MAST4: variants seen among roughly 807,000 people sequenced by gnomAD.
The protein encoded by MAST4 is microtubule associated serine/threonine kinase family member 4.
Under a neutral mutation model 162.7 loss-of-function variants are expected in MAST4, and 89 were observed. That is an observed-to-expected ratio of 0.55 (90% CI 0.46 to 0.65). The LOEUF (loss-of-function observed/expected upper bound fraction) is 0.65. MAST4 is among the 30% of genes least tolerant of loss of function. MAST4 has a pLI of 0.00. For synonymous variants in MAST4, 1,479 were observed against 1,361.1 expected, an observed-to-expected ratio of 1.09 and a Z score of -1.91; for missense variants, 3,153 against 3,374.0, an observed-to-expected ratio of 0.93 and a Z score of 1.62.
chr5:67,141,976 A>G, intron 19 of MAST4, 139 bp from the exon 20 acceptor site: 1 of 908,308 alleles, frequency 1.1e-6, no homozygotes, highest in Non-Finnish European at 1.6e-6. Context: ...CTTTGGTTGT[A>G]GAATGAAAAA....
chr5:66,805,665 A>G (rs1435498548), intron 3 of MAST4, among the ~76,000 whole-genome samples: 3 of 152,208 alleles, frequency 2.0e-5, no homozygotes, highest in Non-Finnish European at 2.9e-5. Context: ...TTGAAAGGCC[A>G]TCCCCGAGGC....
At chr5:66,777,188 G>C (rs553416123) in intron 2 of MAST4, among the ~76,000 whole-genome samples, 1 of 152,308 alleles carries the variant, frequency 6.6e-6, no homozygotes, top group East Asian at 1.9e-4. Context: ...CTGTACTCCT[G>C]AGTCCACCTG....
At chr5:66,756,981 C>T (rs1753578745) in intron 1 of MAST4, among the ~76,000 whole-genome samples, 1 of 152,154 alleles carries the variant, frequency 6.6e-6, no homozygotes, top group Non-Finnish European at 1.5e-5. Flanking sequence ...ACTAACAGCT[C>T]ATGTCTATAT....
At chr5:66,991,114 C>T (rs1388899988) in intron 4 of MAST4, among the ~76,000 whole-genome samples, 1 of 152,170 alleles carries the variant, frequency 6.6e-6, no homozygotes, top group Non-Finnish European at 1.5e-5. Context: ...ATGAAACAGT[C>T]TGCTGATACT....
intron 4 of MAST4, among the ~76,000 whole-genome samples, chr5:67,010,173 C>T (rs1227781784): frequency 6.6e-6 from 1 of 152,146 alleles, no homozygotes; most frequent in Non-Finnish European, 1.5e-5. Flanking sequence ...GTATCCCAAA[C>T]GTGTATCCCA....
chr5:66,791,339 A>G (rs950103149), intron 3 of MAST4, among the ~76,000 whole-genome samples: 1 of 152,214 alleles, frequency 6.6e-6, no homozygotes. Context: ...TAAGTAATCT[A>G]TCTTCTTACT....
intron 1 of MAST4, among the ~76,000 whole-genome samples, chr5:66,708,104 A>C (rs548803073): frequency 6.6e-6 from 1 of 152,154 alleles, no homozygotes; most frequent in Admixed American, 6.6e-5. Flanking sequence ...TGAGTGTGCA[A>C]CACCAACCTA....
chr5:66,631,684 A>G (rs574416288), intron 1 of MAST4, among the ~76,000 whole-genome samples: 2 of 152,306 alleles, frequency 1.3e-5, no homozygotes, highest in East Asian at 1.9e-4. Context: ...GGCTAACAGC[A>G]AAAGCTTGCC....
rs141190554 is a variant in MAST4 at position 66,808,571 on chromosome 5, T to C, written c.642+19777T>C. ...TTTTGTTAACCTACCTGTTCTCCCATGAAACTTTGGACTCCTTGAAGCCCA... is the reference window on the plus strand; with the variant it reads ...TTTTGTTAACCTACCTGTTCTCCCACGAAACTTTGGACTCCTTGAAGCCCA... On this transcript the variant is annotated intron_variant, in intron 3 of 28. Coordinates refer to ENST00000403625, the MANE Select transcript of MAST4 (RefSeq NM_001164664.2). Among the ~76,000 whole-genome samples the C allele has an allele frequency of 8.5e-5, 13 of 152,290 alleles. No individual in the cohort carries two copies. The East Asian group carries it at 2.5e-3, about 29-fold the overall frequency.
chr5:66,744,582 G>C (rs1454074466), intron 1 of MAST4, among the ~76,000 whole-genome samples: 1 of 152,164 alleles, frequency 6.6e-6, no homozygotes, highest in Non-Finnish European at 1.5e-5. Flanking sequence ...TTCTGGTGAG[G>C]CCTCAGGAAA....
At chr5:66,793,522 A>T (rs1291573367) in intron 3 of MAST4, among the ~76,000 whole-genome samples, 1 of 152,234 alleles carries the variant, frequency 6.6e-6, no homozygotes, top group Non-Finnish European at 1.5e-5. Flanking sequence ...TTCAGGAGGC[A>T]AAAGCAGGAC....
rs1475519500 is a variant in MAST4, at chr5:67,165,669, G to T, written c.6490G>T (p.Gly2164Trp). 6.3e-7 allele frequency: 1 copy of T among 1,596,294 alleles called. No homozygotes were observed. The highest frequency in any genetic ancestry group is 2.3e-5 in the East Asian group (1 of 43,682). ...SPSHASGREP[G>W]AKPSTAEPSS... ...AAGCCACGCTTCTGGCAGAGAGCCG[G>T]GGGCCAAGCCCAGCACTGCAGAGCC... The change falls in exon 29 of 29, where the codon GGG becomes TGG. Residue 2164 changes from glycine to tryptophan, a missense_variant. Around this residue, in one of 7 missense-constraint regions of MAST4, gnomAD observed 1,644 missense variants for 1,495.0 expected, o/e 1.10. Coordinates refer to ENST00000403625, the MANE Select transcript of MAST4 (RefSeq NM_001164664.2).
intron 3 of MAST4, among the ~76,000 whole-genome samples, chr5:66,850,372 C>T (rs1759215418): frequency 6.6e-6 from 1 of 152,198 alleles, no homozygotes; most frequent in Admixed American, 6.5e-5. Flanking sequence ...AGTTGTCAAA[C>T]ATTCCTTTGT....
chr5:67,022,776 CTGTT>C (rs896011716), intron 4 of MAST4, among the ~76,000 whole-genome samples: 8 of 152,220 alleles, frequency 5.3e-5, no homozygotes, highest in East Asian at 1.9e-4. Flanking sequence ...AAGTCTGAAA[CTGTT>C]TGTGTAATGT....
chr5:66,648,402 C>T (rs1415130867), intron 1 of MAST4, among the ~76,000 whole-genome samples: 1 of 152,084 alleles, frequency 6.6e-6, no homozygotes, highest in Non-Finnish European at 1.5e-5. Context: ...GAAAATAAAA[C>T]AGGGCGCCTG....
chr5:66,683,544 G>A (rs1293066160), intron 1 of MAST4, among the ~76,000 whole-genome samples: 1 of 152,168 alleles, frequency 6.6e-6, no homozygotes, highest in Non-Finnish European at 1.5e-5. Flanking sequence ...GATCAAGGTT[G>A]ATAGTTTACC....
At chr5:67,038,797 T>C (rs191444882) in intron 4 of MAST4, among the ~76,000 whole-genome samples, 41 of 152,334 alleles carry the variant, frequency 2.7e-4, no homozygotes, top group African/African-American at 9.4e-4. Flanking sequence ...ATTTTTGGTG[T>C]ACTGTCCAGG....
intron 1 of MAST4, among the ~76,000 whole-genome samples, chr5:66,601,232 G>A (rs146014438): frequency 2.0e-5 from 3 of 152,294 alleles, no homozygotes; most frequent in Non-Finnish European, 4.4e-5. Context: ...TTCTAAAAGA[G>A]TAGTGCATAA....
At chr5:66,831,246 T>C (rs1308761483) in intron 3 of MAST4, among the ~76,000 whole-genome samples, 1 of 152,204 alleles carries the variant, frequency 6.6e-6, no homozygotes, top group Non-Finnish European at 1.5e-5. Flanking sequence ...GTCCTTAAGT[T>C]AGAACAGTTA....
Sources: allele counts gnomAD v4.1 joint callset (sites outside exome capture counted in the v4.1 genomes callset), GRCh38; gene constraint gnomAD v4.1.1; regional missense constraint gnomAD v4.1.1; transcripts MANE v1.5; gene names NCBI Gene and HGNC (gene_info 2026-07-23, HGNC 2026-07-21).